The following ZNF284 variants were observed in gnomAD, a reference collection of about 807,000 sequenced individuals.
The protein encoded by ZNF284 is zinc finger protein 284.
In ZNF284, 12 loss-of-function variants were observed where a neutral mutation model predicts 12.9. The observed-to-expected ratio is 0.93, with a 90% CI of 0.60 to 1.51. The LOEUF (loss-of-function observed/expected upper bound fraction) is 1.51. Ranked by LOEUF, ZNF284 falls within the 40% of genes most tolerant of loss-of-function variation. The probability of loss-of-function intolerance (pLI) is 0.00; values close to 1 mark genes in which losing one functional copy is unlikely to be tolerated. For synonymous variants in ZNF284, 225 were observed against 236.5 expected (o/e 0.95, Z 0.45); for missense variants, 667 against 707.3 (o/e 0.94, Z 0.65).
In ZNF284 at chr19:44,086,759, T is replaced by C. The variant is rs1967259077; in HGVS notation, c.1281T>C (p.Tyr427=). The C allele has an allele frequency of 6.2e-7, 1 of 1,614,070 alleles. No individual in the cohort carries two copies. The highest frequency in any genetic ancestry group is 1.3e-5 in the African/African-American group (1 of 74,996). ...GAGCCTATAGAGAAGAAGAACTGTA[T>C]AAATGTCAGAAGTGTGGGAAGGGCT... The part of the protein sequence containing the change: ...HQRAYREEEL[Y]KCQKCGKGYI... Residue 427 remains tyrosine (Y), a synonymous_variant, in exon 5 of 5, where the codon TAT becomes TAC. Transcript: ENST00000421176.
At chr19:44,085,036 C>A (rs1967207628) in intron 4 of ZNF284, among the ~76,000 whole-genome samples, 1 of 152,142 alleles carries the variant, frequency 6.6e-6, no homozygotes, top group African/African-American at 2.4e-5. Flanking sequence ...TTACCCTTTC[C>A]CAGCACTAGG....
intron 1 of ZNF284, among the ~76,000 whole-genome samples, chr19:44,073,721 T>A (rs566673400): frequency 1.3e-3 from 202 of 152,100 alleles, no homozygotes; most frequent in African/African-American, 4.7e-3. Context: ...CTAATTTTTT[T>A]GTAGTTTTAG....
At chr19:44,076,200 G>T in intron 1 of ZNF284, 122 bp from the exon 2 acceptor site, 1 of 527,454 alleles carries the variant, frequency 1.9e-6, no homozygotes. Flanking sequence ...GGGTTATTAT[G>T]AATAATGCCC....
chr19:44,082,729 C>T lies in ZNF284; in HGVS notation c.235+624C>T, dbSNP rs1044803918. Among the ~76,000 whole-genome samples, 3 of 152,300 alleles carry T rather than the reference C, an allele frequency of 2.0e-5. 1 individual carries two copies. The South Asian group carries it at 6.2e-4, about 32-fold the overall frequency. The stretch of plus-strand genomic sequence containing the variant: ...TCCTTGGCTCTTGTCTCCCTTCCTC[C>T]ATCTTCAAAAGCAGCTACATTGCAT... On this transcript the variant is annotated intron_variant, in intron 4 of 4. Coordinates refer to ENST00000421176, the MANE Select transcript of ZNF284 (RefSeq NM_001037813.4).
At position 44,086,000 on chromosome 19, in the gene ZNF284, C is replaced by T. The variant is rs1967231997; in HGVS notation, c.522C>T (p.Ser174=). 1 of 1,614,078 alleles carries T rather than the reference C, an allele frequency of 6.2e-7. No individual in the cohort carries two copies. The highest frequency in any genetic ancestry group is 1.1e-5 in the South Asian group (1 of 91,080). Residue 174 remains serine (S), a synonymous_variant, in exon 5 of 5, where the codon TCC becomes TCT. Coordinates refer to ENST00000421176, the MANE Select transcript of ZNF284 (RefSeq NM_001037813.4). ...AACAATTACACTCAGGAAAGATATCCCATACATGTAATGAGTACAGGAAGA... is the reference window on the plus strand; with the variant it reads ...AACAATTACACTCAGGAAAGATATCTCATACATGTAATGAGTACAGGAAGA... ...LHQQLHSGKI[S]HTCNEYRKRF...
Position 44,086,661 on chromosome 19 carries a change from G to C in ZNF284, c.1183G>C (p.Gly395Arg). 6.2e-7 allele frequency: 1 copy of C among 1,614,062 alleles called. No homozygotes were observed. Among genetic ancestry groups the C allele is most frequent in the Non-Finnish European group, 8.5e-7 (1 of 1,179,956 alleles). The stretch of plus-strand genomic sequence containing the variant: ...TTCAAGACATCAGCGGGTCCACAAT[G>C]GAGAAACAACATTCAAGTGCGACGG... ...CLSRHQRVHN[G>R]ETTFKCDGCG... The change falls in exon 5 of 5, where the codon GGA becomes CGA. Residue 395 changes from glycine to arginine, a missense_variant. By Grantham distance (125) the Gly-to-Arg change is moderately radical. Coordinates refer to ENST00000421176, the MANE Select transcript of ZNF284 (RefSeq NM_001037813.4).
chr19:44,088,627 G>A lies in ZNF284; in HGVS notation c.*1367G>A, dbSNP rs985762996. 2.6e-5 allele frequency: 4 copies of A among 152,212 alleles called. No homozygotes were observed. The highest frequency in any genetic ancestry group is 9.7e-5 in the African/African-American group (4 of 41,436). 9.4% of individuals were successfully genotyped at this position (152,212 alleles called of 1,614,324 possible). On this transcript the variant is annotated 3_prime_UTR_variant, in exon 5 of 5. Transcript: ENST00000421176. Reference sequence around the variant, plus strand: ...GAAAAACCATGGAAGTGTGGAGATTGTGGTACATGCTTCAGTCAGGGCTCA... The same window carrying A: ...GAAAAACCATGGAAGTGTGGAGATTATGGTACATGCTTCAGTCAGGGCTCA...
chr19:44,075,770 A>T (rs1967016698), intron 1 of ZNF284, among the ~76,000 whole-genome samples: 1 of 152,128 alleles, frequency 6.6e-6, no homozygotes, highest in Non-Finnish European at 1.5e-5. Context: ...TTCTATCAAG[A>T]TGTATTTCAC....
chr19:44,085,882 C>T lies in ZNF284; in HGVS notation c.404C>T (p.Ala135Val), dbSNP rs776823979. The change falls in exon 5 of 5, where the codon GCA becomes GTA. Residue 135 changes from alanine to valine, a missense_variant. Physicochemically the swap from Ala to Val is moderately conservative, Grantham distance 64. Coordinates refer to ENST00000421176, the MANE Select transcript of ZNF284 (RefSeq NM_001037813.4). ...GGTGATGTCCCCTCCCAGGTTGACG[C>T]AGGACTATCTATAATTCACATAGGA... ...TQGDVPSQVDAGLSIIHIGET... is the reference protein window; with the variant it reads ...TQGDVPSQVDVGLSIIHIGET... 28 of 1,614,042 alleles carry T rather than the reference C, an allele frequency of 1.7e-5. No individual in the cohort carries two copies. The South Asian group carries it at 2.5e-4, about 15-fold the overall frequency.
chr19:44,073,048 A>G (rs949318322), intron 1 of ZNF284, among the ~76,000 whole-genome samples: 2 of 152,226 alleles, frequency 1.3e-5, no homozygotes, highest in Non-Finnish European at 2.9e-5. Context: ...TTAAGCCTCA[A>G]TTGGTAACTT....
At chr19:44,072,738 C>A (rs975430925) in intron 1 of ZNF284, among the ~76,000 whole-genome samples, 3 of 152,236 alleles carry the variant, frequency 2.0e-5, no homozygotes, top group African/African-American at 7.2e-5. Context: ...GTCTCTGATT[C>A]CTGCAGGACG....
intron 4 of ZNF284, among the ~76,000 whole-genome samples, chr19:44,084,447 C>G (rs1967192731): frequency 6.6e-6 from 1 of 152,166 alleles, no homozygotes. Flanking sequence ...GTGGCAGTGG[C>G]AGAGTGTGCA....
intron 4 of ZNF284, among the ~76,000 whole-genome samples, chr19:44,084,815 G>A (rs1413620742): frequency 6.6e-6 from 1 of 152,116 alleles, no homozygotes; most frequent in Non-Finnish European, 1.5e-5. Context: ...GCAGTCTGGT[G>A]GGGGTGCAGC....
chr19:44,074,865 G>A (rs1417290783), intron 1 of ZNF284, among the ~76,000 whole-genome samples: 1 of 151,766 alleles, frequency 6.6e-6, no homozygotes, highest in Non-Finnish European at 1.5e-5. Context: ...AAATTTGAGG[G>A]GGCGTGCGCC....
chr19:44,076,245 T>G (rs2147494231), intron 1 of ZNF284, 77 bp from the exon 2 acceptor site: 1 of 711,682 alleles, frequency 1.4e-6, no homozygotes, highest in East Asian at 2.7e-5. Flanking sequence ...ACAACACATG[T>G]TCATACTGTT....
At chr19:44,079,925 T>C (rs182273274) in intron 2 of ZNF284, among the ~76,000 whole-genome samples, 107 of 151,858 alleles carry the variant, frequency 7.0e-4, no homozygotes, top group African/African-American at 2.4e-3. Context: ...CGAAACTCCG[T>C]CTCAAAAAAA....
At position 44,086,663 on chromosome 19, in the gene ZNF284, A is replaced by G. The variant is rs1568524429; in HGVS notation, c.1185A>G (p.Gly395=). The G allele has an allele frequency of 6.2e-7, 1 of 1,613,998 alleles. No individual in the cohort carries two copies. The highest frequency in any genetic ancestry group is 1.3e-5 in the African/African-American group (1 of 74,920). ...CAAGACATCAGCGGGTCCACAATGG[A>G]GAAACAACATTCAAGTGCGACGGAT... is the stretch of plus-strand genomic sequence containing the variant. ...CLSRHQRVHN[G]ETTFKCDGCG... Residue 395 remains glycine (G), a synonymous_variant, in exon 5 of 5, where the codon GGA becomes GGG. Coordinates refer to ENST00000421176, the MANE Select transcript of ZNF284 (RefSeq NM_001037813.4).
Position 44,086,783 on chromosome 19 carries a change from C to T in ZNF284, c.1305C>T (p.Gly435=), listed in dbSNP as rs750262720. 1.2e-5 allele frequency: 20 copies of T among 1,613,982 alleles called. 1 individual carries two copies. In the African/African-American group the frequency reaches 1.7e-4, roughly 14 times the overall value. Reference sequence around the variant, plus strand: ...ATAAATGTCAGAAGTGTGGGAAGGGCTACATTAGTAAGTTTAATCTTGACT... The same window carrying T: ...ATAAATGTCAGAAGTGTGGGAAGGGTTACATTAGTAAGTTTAATCTTGACT... ...ELYKCQKCGK[G]YISKFNLDLH... Residue 435 remains glycine (G), a synonymous_variant, in exon 5 of 5, where the codon GGC becomes GGT. Coordinates refer to ENST00000421176, the MANE Select transcript of ZNF284 (RefSeq NM_001037813.4).
rs562623086 is a variant in ZNF284, at chr19:44,073,542, T to C, written c.-69+1251T>C. On this transcript the variant is annotated intron_variant, in intron 1 of 4. Transcript: ENST00000421176. The stretch of plus-strand genomic sequence containing the variant: ...AAGATAGTAACTGTTAAACTTCGAG[T>C]GCATTTTTTTTTTTTTTTTGAGACA... Among the ~76,000 whole-genome samples the C allele has an allele frequency of 4.0e-4, 52 of 131,164 alleles. No homozygotes were observed. The East Asian group carries it at 0.01, about 26-fold the overall frequency. The allele number at this position is 131,164 out of a possible 152,430, so 86.0% of individuals were successfully genotyped here.
Sources: gnomAD v4.1 joint callset for allele counts (sites outside exome capture counted in the v4.1 genomes callset) on GRCh38, gnomAD v4.1.1 for gene constraint, MANE v1.5 for transcripts, NCBI Gene and HGNC (gene_info 2026-07-23, HGNC 2026-07-21) for gene names.